Variants in EPS15L1 observed in about 807,000 individuals in gnomAD.
EPS15L1 encodes epidermal growth factor receptor substrate 15-like 1.
Under a neutral mutation model 117.1 loss-of-function variants are expected in EPS15L1, and 43 were observed. That is an observed-to-expected ratio of 0.37 (90% CI 0.29 to 0.47). The LOEUF (loss-of-function observed/expected upper bound fraction) is 0.47. Among genes scored for constraint, EPS15L1 ranks in the 20% least tolerant of loss-of-function variants. The probability of loss-of-function intolerance (pLI) is 0.99; values close to 1 mark genes in which losing one functional copy is unlikely to be tolerated. For synonymous variants in EPS15L1, 459 were observed against 470.5 expected, an observed-to-expected ratio of 0.98 and a Z score of 0.32; for missense variants, 981 against 1,164.0, an observed-to-expected ratio of 0.84 and a Z score of 2.29.
intron 8 of EPS15L1, among the ~76,000 whole-genome samples, chr19:16,427,180 T>C (rs529863761): frequency 3.9e-5 from 6 of 152,276 alleles, no homozygotes; most frequent in African/African-American, 1.4e-4. Flanking sequence ...AAGAATTTTC[T>C]GTCGGAGGCC....
intron 18 of EPS15L1, among the ~76,000 whole-genome samples, chr19:16,392,898 C>T (rs1184999698): frequency 6.6e-6 from 1 of 151,778 alleles, no homozygotes; most frequent in Non-Finnish European, 1.5e-5. Context: ...AAAAATTAGC[C>T]AGGTGTGGTG....
Position 16,417,560 on chromosome 19 carries a change from C to A in EPS15L1, c.1185G>T (p.Gln395His), listed in dbSNP as rs1238786055. ...ELDDISQEIAQLQREKYSLEQ... is the reference protein window; with the variant it reads ...ELDDISQEIAHLQREKYSLEQ... The stretch of plus-strand genomic sequence containing the variant: ...GGCCGTTTCCAACATACCTTTGTAA[C>A]TGGGCAATCTCTTGACTGATGTCAT... The change falls in exon 12 of 24, where the codon CAG becomes CAT. Residue 395 changes from glutamine (Q) to histidine (H), a missense_variant. Gln to His is a conservative substitution (Grantham distance 24, BLOSUM62 0). This residue lies in a region of EPS15L1 where 819 missense variants were observed against 949.0 expected (regional missense o/e 0.86). Coordinates refer to ENST00000455140, the MANE Select transcript of EPS15L1 (RefSeq NM_001258374.3). 6.2e-7 allele frequency: 1 copy of A among 1,613,946 alleles called. No homozygotes were observed.
intron 7 of EPS15L1, among the ~76,000 whole-genome samples, chr19:16,433,533 T>G (rs1406669282): frequency 6.6e-6 from 1 of 152,136 alleles, no homozygotes; most frequent in Admixed American, 6.6e-5. Context: ...GAGTAATTAA[T>G]AGTAGAAAAG....
Position 16,392,427 on chromosome 19 carries a change from C to T in EPS15L1, c.1980G>A (p.Gly660=), listed in dbSNP as rs1335676682. The change falls in exon 19 of 24, where the codon GGG becomes GGA. Residue 660 remains glycine, a synonymous_variant. Transcript: ENST00000455140. ...QQTTSTDPFG[G]DPFKESDPFR... Reference sequence around the variant, plus strand: ...ATGGGTCACTTTCTTTGAAAGGGTCCCCTCCAAATGGATCTAGAAGGAAAA... The same window carrying T: ...ATGGGTCACTTTCTTTGAAAGGGTCTCCTCCAAATGGATCTAGAAGGAAAA... The T allele has an allele frequency of 3.7e-6, 6 of 1,613,938 alleles. No individual in the cohort carries two copies. The African/African-American group carries it at 6.7e-5, about 18-fold the overall frequency.
In EPS15L1 at chr19:16,375,464, ATATG is replaced by A. The variant is rs1172464366; in HGVS notation, c.2380+1654_2380+1657del. Among the ~76,000 whole-genome samples, 99 of 96,850 alleles carry A rather than the reference ATATG, an allele frequency of 1.0e-3. 1 individual carries two copies. Among genetic ancestry groups the A allele is most frequent in the African/African-American group, 2.8e-3 (71 of 25,718 alleles). 63.5% of individuals were successfully genotyped at this position (96,850 alleles called of 152,430 possible). A position where few individuals can be genotyped will look rare whatever the true frequency, so the allele number is the denominator to read the frequency against. On this transcript the variant is annotated intron_variant, in intron 22 of 23. Transcript: ENST00000455140. The stretch of plus-strand genomic sequence containing the variant: ...GTGTGCATGCATTGTGATTATGCAT[ATATG>A]TGTGTGTGTGTGTGTGTGTGTGTGT...
intron 16 of EPS15L1, chr19:16,401,372 C>G: frequency 1.0e-6 from 1 of 985,396 alleles, no homozygotes. Flanking sequence ...GTTTAGAGAG[C>G]ACGAGCGCTC....
intron 10 of EPS15L1, among the ~76,000 whole-genome samples, chr19:16,421,008 G>A (rs1016983765): frequency 6.6e-6 from 1 of 152,266 alleles, no homozygotes; most frequent in Non-Finnish European, 1.5e-5. Context: ...CAGGCCTCCT[G>A]TTAGAGCCAG....
In EPS15L1 at chr19:16,404,075, T is replaced by C. The variant is rs2092630338; in HGVS notation, c.1429-145A>G. ...ACCCAGGCCCGACACCTGGCTTCCT[T>C]ACAGGCCTCTTTCTACACCCAAAAT... On this transcript the variant is annotated intron_variant, in intron 14 of 23. Coordinates refer to ENST00000455140, the MANE Select transcript of EPS15L1 (RefSeq NM_001258374.3). This position sits in a 1 kb window ranked among gnomAD's most constrained non-coding sequence, Gnocchi z 4.2. The C allele has an allele frequency of 2.8e-6, 2 of 706,290 alleles. No homozygotes were observed. Among genetic ancestry groups the C allele is most frequent in the Admixed American group, 2.6e-5 (1 of 38,690 alleles). 43.8% of individuals were successfully genotyped at this position (706,290 alleles called of 1,614,324 possible). A position where few individuals can be genotyped will look rare whatever the true frequency, so the allele number is the denominator to read the frequency against.
At chr19:16,412,984 G>A (rs1253544203) in intron 13 of EPS15L1, 11 of 678,086 alleles carry the variant, frequency 1.6e-5, no homozygotes, top group Non-Finnish European at 3.0e-5. Flanking sequence ...ATTGACTTTT[G>A]CCTGGGGGGC....
chr19:16,420,917 G>A (rs4808504), intron 10 of EPS15L1, among the ~76,000 whole-genome samples: 24 of 152,244 alleles, frequency 1.6e-4, no homozygotes, highest in Admixed American at 3.9e-4. Context: ...TCCTGCCCCC[G>A]CCCTCACCCT....
Position 16,365,102 on chromosome 19 carries a change from C to G in EPS15L1, c.2381-3118G>C, listed in dbSNP as rs764642629. Among the ~76,000 whole-genome samples the G allele has an allele frequency of 6.6e-6, 1 of 152,242 alleles. No individual in the cohort carries two copies. The highest frequency in any genetic ancestry group is 1.5e-5 in the Non-Finnish European group (1 of 68,048). On this transcript the variant is annotated intron_variant, in intron 22 of 23. Coordinates refer to ENST00000455140, the MANE Select transcript of EPS15L1 (RefSeq NM_001258374.3). The surrounding 1 kb of genome is among the most constrained non-coding windows in gnomAD (Gnocchi z 4.9). The stretch of plus-strand genomic sequence containing the variant: ...ACTGGAATGCCATCACAGGCAGTGG[C>G]CTTCTCAGGGAAGAAATGGCAGCCC...
chr19:16,434,154 T>C (rs550750731), intron 7 of EPS15L1, among the ~76,000 whole-genome samples: 2 of 152,192 alleles, frequency 1.3e-5, no homozygotes, highest in East Asian at 3.9e-4. Flanking sequence ...TCTGGCACCT[T>C]CCCCAGGGAC....
At chr19:16,377,891 G>A (rs541849076) in intron 21 of EPS15L1, among the ~76,000 whole-genome samples, 3 of 152,254 alleles carry the variant, frequency 2.0e-5, no homozygotes, top group African/African-American at 7.2e-5. Context: ...CCTCTGGCCC[G>A]GACCCTCGGT....
chr19:16,403,631 TA>T, intron 15 of EPS15L1, 101 bp downstream of exon 15: 2 of 1,124,058 alleles, frequency 1.8e-6, no homozygotes, highest in Non-Finnish European at 2.6e-6. Flanking sequence ...GACCCTCACG[TA>T]AGTAACAAGG....
intron 22 of EPS15L1, among the ~76,000 whole-genome samples, chr19:16,373,108 C>G (rs1264728352): frequency 6.6e-6 from 1 of 152,232 alleles, no homozygotes; most frequent in Non-Finnish European, 1.5e-5. Flanking sequence ...TTGTGATTTC[C>G]ATGAGTGCAG....
chr19:16,425,028 G>A (rs1035764180), intron 9 of EPS15L1, 55 bp downstream of exon 9: 21 of 1,445,346 alleles, frequency 1.5e-5, no homozygotes, highest in African/African-American at 9.8e-5. Context: ...AAGAACTCCC[G>A]AGAAACATCC....
At chr19:16,402,288 C>A in intron 16 of EPS15L1, 33 bp downstream of exon 16, 3 of 1,570,686 alleles carry the variant, frequency 1.9e-6, no homozygotes, top group East Asian at 2.3e-5. Flanking sequence ...GGGACCAGAG[C>A]CCCATACTGT....
At chr19:16,401,209 G>C (rs1426017419) in intron 16 of EPS15L1, 2 of 985,370 alleles carry the variant, frequency 2.0e-6, no homozygotes, top group African/African-American at 3.5e-5. Context: ...GCACCCAGCG[G>C]GGGCCAGACA....
At chr19:16,456,992 G>A (rs575834958) in intron 1 of EPS15L1, among the ~76,000 whole-genome samples, 2 of 152,094 alleles carry the variant, frequency 1.3e-5, no homozygotes, top group Non-Finnish European at 2.9e-5. Flanking sequence ...CAAGGTGGGC[G>A]CATATGCATA....
Sources: gnomAD v4.1 joint callset for allele counts (sites outside exome capture counted in the v4.1 genomes callset) on GRCh38, gnomAD v4.1.1 for gene constraint, gnomAD v4.1.1 regional missense constraint, Gnocchi (gnomAD v3.1) non-coding constraint, MANE v1.5 for transcripts, NCBI Gene and HGNC (gene_info 2026-07-23, HGNC 2026-07-21) for gene names.